SET: variants seen among roughly 807,000 people sequenced by gnomAD.
SET encodes the protein SET nuclear proto-oncogene.
In SET, 4 loss-of-function variants were observed where a neutral mutation model predicts 39.0. The ratio of observed to expected loss-of-function variants is 0.10; its 90% CI spans 0.05 to 0.23. The LOEUF (loss-of-function observed/expected upper bound fraction) is 0.23, where lower values mean the gene tolerates loss of function less well. Among genes scored for constraint, SET ranks in the 10% least tolerant of loss-of-function variants. SET has a pLI of 1.00. For missense variants in SET, 137 were observed against 329.7 expected (o/e 0.42, Z 4.53); for synonymous variants, 114 against 115.9 (o/e 0.98, Z 0.11).
rs1564363963 is a variant in SET at position 128,695,805 on chromosome 9, C to T, written c.*1141C>T. 8.8e-6 allele frequency: 2 copies of T among 228,072 alleles called. No individual in the cohort carries two copies. 14.1% of individuals were successfully genotyped at this position (228,072 alleles called of 1,614,324 possible). On this transcript the variant is annotated 3_prime_UTR_variant, in exon 8 of 8. Coordinates refer to ENST00000322030, the MANE Select transcript of SET (RefSeq NM_003011.4). ...CAGATAGCTCAATACTCTCTGAGTACATTGTGCCCTTGATTTTTATCTCCA... is the reference window on the plus strand; with the variant it reads ...CAGATAGCTCAATACTCTCTGAGTATATTGTGCCCTTGATTTTTATCTCCA...
At chr9:128,694,252 T>G (rs1861650750) in intron 7 of SET, among the ~76,000 whole-genome samples, 1 of 151,892 alleles carries the variant, frequency 6.6e-6, no homozygotes, top group Admixed American at 6.6e-5. Context: ...TTTTTTTGGG[T>G]TTTTTTGGTT....
chr9:128,694,225 CTAGGTTTTTTT>C (rs1184902047), intron 7 of SET, among the ~76,000 whole-genome samples, 183 bp downstream of exon 7: 1 of 151,768 alleles, frequency 6.6e-6, no homozygotes, highest in African/African-American at 2.4e-5. Context: ...TAATGTTTAA[CTAGGTTTTTTT>C]TGGTTTTTTT....
intron 1 of SET, chr9:128,690,309 G>C (rs1187644519): frequency 1.3e-5 from 2 of 152,798 alleles, no homozygotes; most frequent in African/African-American, 4.8e-5. Context: ...GTGTATCGGG[G>C]GTCTTGGAAA....
chr9:128,690,854 G>T, intron 1 of SET: 1 of 342,662 alleles, frequency 2.9e-6, no homozygotes, highest in Non-Finnish European at 5.4e-6. Flanking sequence ...TAATAAACGT[G>T]AAGACTTCTG....
intron 1 of SET, 157 bp from the exon 2 acceptor site, chr9:128,691,011 AAG>A: frequency 4.2e-6 from 3 of 711,636 alleles, no homozygotes; most frequent in Non-Finnish European, 7.6e-6. Context: ...ATTAATTAAA[AAG>A]AAATTAGTCA....
intron 1 of SET, among the ~76,000 whole-genome samples, chr9:128,684,194 C>T (rs374974592): frequency 6.6e-6 from 1 of 152,070 alleles, no homozygotes; most frequent in East Asian, 1.9e-4. Flanking sequence ...CGGGAGTGCA[C>T]GGGAGCTCAT....
At chr9:128,683,599 A>T (rs1861189051), upstream of SET, 1 of 320,184 alleles carries the variant, frequency 3.1e-6, no homozygotes, top group Non-Finnish European at 5.8e-6. Flanking sequence ...GGAGGTCTAG[A>T]AAGCACAGGG....
chr9:128,689,549 C>T lies in SET; in HGVS notation c.-34C>T, dbSNP rs1861422137. On this transcript the variant is annotated 5_prime_UTR_variant, in exon 1 of 8. Transcript: ENST00000322030. The stretch of plus-strand genomic sequence containing the variant: ...CCCCTTCGCCTTCCCTTCTCTCCCC[C>T]TCCCCGCTCCCCCCCCGACCGCGGA... 4.0e-6 allele frequency: 5 copies of T among 1,240,594 alleles called. No individual in the cohort carries two copies. Among genetic ancestry groups the T allele is most frequent in the East Asian group, 3.4e-5 (1 of 29,392 alleles). The allele number at this position is 1,240,594 out of a possible 1,614,324, so 76.8% of individuals were successfully genotyped here. A position where few individuals can be genotyped will look rare whatever the true frequency, so the allele number is the denominator to read the frequency against.
chr9:128,691,749 G>T, intron 2 of SET, 109 bp from the exon 3 acceptor site: 2 of 1,030,374 alleles, frequency 1.9e-6, no homozygotes, highest in Non-Finnish European at 2.8e-6. Flanking sequence ...ATTATAATTT[G>T]GTTATTTTGC....
At chr9:128,687,842 G>A (rs1221907262), upstream of SET, among the ~76,000 whole-genome samples, 1 of 152,142 alleles carries the variant, frequency 6.6e-6, no homozygotes, top group Non-Finnish European at 1.5e-5. Flanking sequence ...CTCCTGCCTT[G>A]GCCTCCCAAA....
At chr9:128,693,277 C>G (rs1286603009) in intron 5 of SET, among the ~76,000 whole-genome samples, 2 of 152,134 alleles carry the variant, frequency 1.3e-5, no homozygotes, top group Non-Finnish European at 2.9e-5. Flanking sequence ...GAATTGAGAA[C>G]TGGACTAAAT....
At chr9:128,693,062 C>T (rs922101952) in intron 5 of SET, 81 bp downstream of exon 5, 2 of 915,894 alleles carry the variant, frequency 2.2e-6, no homozygotes, top group South Asian at 3.0e-5. Context: ...GTGCTTGATA[C>T]TTTGGTCATG....
upstream of SET, among the ~76,000 whole-genome samples, chr9:128,684,921 G>C (rs1360226884): frequency 6.6e-6 from 1 of 152,176 alleles, no homozygotes; most frequent in Non-Finnish European, 1.5e-5. Flanking sequence ...TGCATTTTGG[G>C]AGACGTAGCT....
chr9:128,689,388 C>A lies in SET; in HGVS notation c.-195C>A. The A allele has an allele frequency of 1.1e-6, 1 of 944,654 alleles. No individual in the cohort carries two copies. Among genetic ancestry groups the A allele is most frequent in the South Asian group, 5.0e-5 (1 of 20,020 alleles). 58.5% of individuals were successfully genotyped at this position (944,654 alleles called of 1,614,324 possible). On this transcript the variant is annotated 5_prime_UTR_variant, in exon 1 of 8. Coordinates refer to ENST00000322030, the MANE Select transcript of SET (RefSeq NM_003011.4). ...CGGGGCCCGGCACGCCGCCCCAGCC[C>A]GTCCCTCGGCGTCAGGCCGCGAGGG...
At chr9:128,686,636 C>T (rs994332271), upstream of SET, among the ~76,000 whole-genome samples, 7 of 151,964 alleles carry the variant, frequency 4.6e-5, no homozygotes, top group African/African-American at 1.5e-4. Flanking sequence ...TTTGTGTGTG[C>T]TAGGTCATGA....
Position 128,694,136 on chromosome 9 carries a change from G to A in SET, c.810+94G>A, listed in dbSNP as rs201985773. 2,236 of 1,105,814 alleles carry A rather than the reference G, an allele frequency of 2.0e-3. 5 individuals carry two copies. The highest frequency in any genetic ancestry group is 2.4e-3 in the Non-Finnish European group (1,984 of 812,366). 68.5% of individuals were successfully genotyped at this position (1,105,814 alleles called of 1,614,324 possible). ...TATATATATATAGTGTGGTAGAACT[G>A]ACCAGAACTGATTGTGGAAAAAAAG... On this transcript the variant is annotated intron_variant, in intron 7 of 7. Coordinates refer to ENST00000322030, the MANE Select transcript of SET (RefSeq NM_003011.4).
At chr9:128,694,339 G>C (rs1025062086) in intron 7 of SET, among the ~76,000 whole-genome samples, 4 of 151,972 alleles carry the variant, frequency 2.6e-5, no homozygotes, top group African/African-American at 9.7e-5. Context: ...GTCAAATTCT[G>C]ACATCTCTGA....
Position 128,689,953 on chromosome 9 carries a change from C to T in SET, c.73+298C>T, listed in dbSNP as rs777053913. 132 of 641,840 alleles carry T rather than the reference C, an allele frequency of 2.1e-4. 1 individual carries two copies. In the Middle Eastern group the frequency reaches 2.3e-3, roughly 11 times the overall value. 39.8% of individuals were successfully genotyped at this position (641,840 alleles called of 1,614,324 possible). On this transcript the variant is annotated intron_variant, in intron 1 of 7. Transcript: ENST00000322030. ...TCCCTCGCTCTCCTCCCCCTCCCTCCCTCCCGAGAAGCCTCTCTTTATTGT... is the reference window on the plus strand; with the variant it reads ...TCCCTCGCTCTCCTCCCCCTCCCTCTCTCCCGAGAAGCCTCTCTTTATTGT...
chr9:128,688,228 T>G (rs978861430), upstream of SET, among the ~76,000 whole-genome samples: 2 of 152,116 alleles, frequency 1.3e-5, no homozygotes, highest in Non-Finnish European at 2.9e-5. Flanking sequence ...AACAAACAAA[T>G]GCTACTAATC....
Sources: allele counts gnomAD v4.1 joint callset (sites outside exome capture counted in the v4.1 genomes callset), GRCh38; gene constraint gnomAD v4.1.1; transcripts MANE v1.5; gene names NCBI Gene and HGNC (gene_info 2026-07-23, HGNC 2026-07-21).